The following TNS3 variants were observed in gnomAD, a reference collection of about 807,000 sequenced individuals.
The protein encoded by TNS3 is tensin 3.
Under a neutral mutation model 140.9 loss-of-function variants are expected in TNS3, and 45 were observed. The observed-to-expected ratio is 0.32, with a 90% CI of 0.25 to 0.41. The LOEUF (loss-of-function observed/expected upper bound fraction) is 0.41. Among genes scored for constraint, TNS3 ranks in the 10% least tolerant of loss-of-function variants. TNS3 has a pLI of 1.00. For missense variants in TNS3, 1,716 were observed against 1,906.7 expected (o/e 0.90, Z 1.86); for synonymous variants, 815 against 788.4 (o/e 1.03, Z -0.56).
chr7:47,406,089 C>T (rs565806689), intron 13 of TNS3, among the ~76,000 whole-genome samples: 2 of 152,322 alleles, frequency 1.3e-5, no homozygotes, highest in East Asian at 3.9e-4. Flanking sequence ...CATAACGCCT[C>T]GGCTGCCCTC....
At chr7:47,479,283 C>A (rs1005601936) in intron 4 of TNS3, among the ~76,000 whole-genome samples, 1 of 152,214 alleles carries the variant, frequency 6.6e-6, no homozygotes, top group East Asian at 1.9e-4. Flanking sequence ...GGACTGTCTG[C>A]GAGGTGGGAG....
chr7:47,339,594 T>C (rs1026441965), intron 20 of TNS3, among the ~76,000 whole-genome samples: 1 of 152,234 alleles, frequency 6.6e-6, no homozygotes, highest in African/African-American at 2.4e-5. Flanking sequence ...ACTGTAGCTA[T>C]ACAATAAGTC....
intron 1 of TNS3, among the ~76,000 whole-genome samples, chr7:47,548,286 GA>G (rs1467887168): frequency 6.6e-6 from 1 of 151,964 alleles, no homozygotes; most frequent in Admixed American, 6.6e-5. Flanking sequence ...TCCCATCTTT[GA>G]AAACACAACC....
At chr7:47,370,568 G>C (rs568343806) in intron 16 of TNS3, among the ~76,000 whole-genome samples, 41 of 152,318 alleles carry the variant, frequency 2.7e-4, no homozygotes, top group Non-Finnish European at 2.9e-5. Flanking sequence ...TCTGGCATTC[G>C]GGGACTCCCA....
intron 8 of TNS3, among the ~76,000 whole-genome samples, chr7:47,431,751 T>TGGG (rs146096588): frequency 6.6e-6 from 1 of 152,272 alleles, no homozygotes; most frequent in East Asian, 1.9e-4. Context: ...AACTAAGGGT[T>TGGG]GGGTTTTCTG....
At chr7:47,530,838 A>AAAAAAATATATATATATAT in intron 1 of TNS3, among the ~76,000 whole-genome samples, 2 of 54,560 alleles carry the variant, frequency 3.7e-5, no homozygotes, top group Non-Finnish European at 3.3e-5. Context: ...AAAAAAAAAA[A>AAAAAAATATATATATATAT]ATATATATAT....
intron 2 of TNS3, among the ~76,000 whole-genome samples, chr7:47,524,179 C>T (rs77539523): frequency 0.022 from 3,348 of 152,300 alleles, 43 homozygotes; most frequent in Middle Eastern, 0.041. Flanking sequence ...GCGGTGGTCC[C>T]GTCCTGCCTC....
intron 1 of TNS3, among the ~76,000 whole-genome samples, chr7:47,573,844 A>C (rs139490768): frequency 6.6e-6 from 1 of 152,228 alleles, no homozygotes; most frequent in Admixed American, 6.5e-5. Context: ...TTCTGGTTCA[A>C]CATGTTCCAA....
intron 1 of TNS3, among the ~76,000 whole-genome samples, chr7:47,530,329 C>A (rs556072008): frequency 2.6e-5 from 4 of 152,078 alleles, no homozygotes. Flanking sequence ...AACCTCCCAA[C>A]GCAAAGCACA....
intron 3 of TNS3, among the ~76,000 whole-genome samples, chr7:47,488,445 G>A (rs111980031): frequency 1.7e-4 from 26 of 152,150 alleles, no homozygotes; most frequent in African/African-American, 6.0e-4. Flanking sequence ...ATGTGGGCAG[G>A]GTGGTTCCTC....
intron 2 of TNS3, among the ~76,000 whole-genome samples, chr7:47,519,256 C>A (rs989628017): frequency 1.5e-5 from 2 of 136,488 alleles, no homozygotes; most frequent in African/African-American, 2.7e-5. Context: ...TAAGATATCC[C>A]CCCCCAACAC....
chr7:47,396,512 T>C (rs1242875066), intron 16 of TNS3: 4 of 428,302 alleles, frequency 9.3e-6, no homozygotes, highest in Non-Finnish European at 1.7e-5. Flanking sequence ...CCTGGCATTA[T>C]ACATACACAC....
intron 4 of TNS3, among the ~76,000 whole-genome samples, chr7:47,442,707 A>C (rs1384628578): frequency 6.6e-6 from 1 of 152,164 alleles, no homozygotes; most frequent in African/African-American, 2.4e-5. Flanking sequence ...TGAATGGGGA[A>C]ACCCAGACAC....
chr7:47,409,457 T>A (rs547937213), intron 13 of TNS3, among the ~76,000 whole-genome samples: 2 of 152,242 alleles, frequency 1.3e-5, no homozygotes, highest in Non-Finnish European at 2.9e-5. Context: ...TCACCCTCTA[T>A]GACTGAGTTG....
At chr7:47,557,387 A>G (rs979449922) in intron 1 of TNS3, among the ~76,000 whole-genome samples, 2 of 152,026 alleles carry the variant, frequency 1.3e-5, no homozygotes, top group African/African-American at 2.4e-5. Flanking sequence ...TCCCAACACT[A>G]CTATTTAACC....
At chr7:47,282,749 C>T (rs554881330) in intron 28 of TNS3, among the ~76,000 whole-genome samples, 2 of 152,258 alleles carry the variant, frequency 1.3e-5, no homozygotes, top group African/African-American at 2.4e-5. Context: ...GCAAAACCCA[C>T]GTTCTGCTTT....
chr7:47,383,342 G>A (rs774324247), intron 16 of TNS3, among the ~76,000 whole-genome samples: 18 of 152,148 alleles, frequency 1.2e-4, no homozygotes, highest in Admixed American at 5.9e-4. Context: ...TCCGGAATGG[G>A]AAACAGAGAG....
At chr7:47,318,251 G>A (rs528068086) in intron 20 of TNS3, among the ~76,000 whole-genome samples, 13 of 152,272 alleles carry the variant, frequency 8.5e-5, no homozygotes, top group South Asian at 2.1e-4. Context: ...GTTGTAGTGC[G>A]TGTCAGAACG....
intron 2 of TNS3, among the ~76,000 whole-genome samples, chr7:47,508,950 G>GA (rs1584790275): frequency 6.6e-6 from 1 of 152,158 alleles, no homozygotes; most frequent in East Asian, 1.9e-4. Context: ...CCCCAACCAA[G>GA]CCTTCAGATG....
Sources: allele counts gnomAD v4.1 joint callset (sites outside exome capture counted in the v4.1 genomes callset), GRCh38; gene constraint gnomAD v4.1.1; transcripts MANE v1.5; gene names NCBI Gene and HGNC (gene_info 2026-07-23, HGNC 2026-07-21).